The following CDK15 variants were observed in gnomAD, a reference collection of about 807,000 sequenced individuals.
CDK15 encodes the protein cyclin dependent kinase 15.
Under a neutral mutation model 60.3 loss-of-function variants are expected in CDK15, and 62 were observed. That is an observed-to-expected ratio of 1.03 (90% confidence interval 0.84 to 1.27). CDK15 has a LOEUF of 1.27. Ranked by LOEUF, CDK15 falls within the 50% of genes most tolerant of loss-of-function variation. CDK15 has a pLI of 0.00. For synonymous variants in CDK15, 194 were observed against 195.7 expected, an observed-to-expected ratio of 0.99 and a Z score of 0.07; for missense variants, 541 against 527.8, an observed-to-expected ratio of 1.03 and a Z score of -0.25.
chr2:201,830,366 C>T (rs369286303), intron 6 of CDK15, among the ~76,000 whole-genome samples: 1 of 152,138 alleles, frequency 6.6e-6, no homozygotes, highest in African/African-American at 2.4e-5. Context: ...AAGGCATGGT[C>T]TATGATGCCA....
intron 6 of CDK15, among the ~76,000 whole-genome samples, chr2:201,830,218 C>T (rs1171036512): frequency 1.3e-5 from 2 of 152,064 alleles, no homozygotes; most frequent in Non-Finnish European, 2.9e-5. Context: ...TGGGATTACA[C>T]GTGTGAGTCC....
chr2:201,884,030 C>G (rs1194917658), intron 12 of CDK15, among the ~76,000 whole-genome samples: 1 of 152,194 alleles, frequency 6.6e-6, no homozygotes, highest in African/African-American at 2.4e-5. Context: ...CAAATGTTAC[C>G]CTTGGAAATT....
At chr2:201,847,353 G>A (rs1170706809) in intron 8 of CDK15, 28 bp from the exon 9 acceptor site, 2 of 1,586,272 alleles carry the variant, frequency 1.3e-6, no homozygotes, top group Middle Eastern at 1.7e-4. Context: ...CTTTCAAAGT[G>A]TCAATTTACT....
At chr2:201,875,585 G>T (rs975219972) in intron 11 of CDK15, among the ~76,000 whole-genome samples, 2 of 152,126 alleles carry the variant, frequency 1.3e-5, no homozygotes, top group Non-Finnish European at 2.9e-5. Context: ...GTCTAGCTCT[G>T]TAAATTATGA....
intron 4 of CDK15, among the ~76,000 whole-genome samples, chr2:201,821,061 G>A (rs1020229311): frequency 2.6e-5 from 4 of 152,124 alleles, no homozygotes; most frequent in Non-Finnish European, 4.4e-5. Flanking sequence ...ACCCAACACT[G>A]GTTTGCTGTG....
At chr2:201,875,426 A>AAAG (rs1699039655) in intron 11 of CDK15, among the ~76,000 whole-genome samples, 5 of 152,200 alleles carry the variant, frequency 3.3e-5, no homozygotes, top group Non-Finnish European at 7.3e-5. Flanking sequence ...CATGTTGTAT[A>AAAG]TATCCTTCAA....
At chr2:201,813,236 A>T (rs1695851548) in intron 4 of CDK15, among the ~76,000 whole-genome samples, 1 of 152,230 alleles carries the variant, frequency 6.6e-6, no homozygotes, top group Admixed American at 6.5e-5. Flanking sequence ...AGTTTTTCAG[A>T]GTTCAACAAA....
intron 10 of CDK15, among the ~76,000 whole-genome samples, chr2:201,866,556 A>G (rs1221018633): frequency 2.6e-5 from 4 of 152,164 alleles, no homozygotes; most frequent in Admixed American, 6.5e-5. Context: ...CTCAAATGAG[A>G]ACTCTTTTTA....
At chr2:201,854,668 G>T in intron 9 of CDK15, 1 of 563,806 alleles carries the variant, frequency 1.8e-6, no homozygotes, top group Non-Finnish European at 3.2e-6. Flanking sequence ...CGGACCATAG[G>T]AATGTATTAC....
chr2:201,850,880 G>A (rs1322403372), intron 9 of CDK15, among the ~76,000 whole-genome samples: 1 of 152,102 alleles, frequency 6.6e-6, no homozygotes, highest in African/African-American at 2.4e-5. Context: ...TAATGATATT[G>A]AGCATTTTTT....
intron 1 of CDK15, among the ~76,000 whole-genome samples, chr2:201,807,135 T>C (rs1695545174): frequency 6.6e-6 from 1 of 152,034 alleles, no homozygotes; most frequent in Admixed American, 6.6e-5. Context: ...CTTTAGTAAT[T>C]AGTTCATGAT....
At position 201,822,789 on chromosome 2, in the gene CDK15, A is replaced by G; in HGVS notation, c.449-20A>G. ...TTTCATTATCAATGATGGATTTAACATTTTGTTTAATTTTTCTAGCTTCTC... is the reference window on the plus strand; with the variant it reads ...TTTCATTATCAATGATGGATTTAACGTTTTGTTTAATTTTTCTAGCTTCTC... On this transcript the variant is annotated intron_variant, in intron 4 of 13. Transcript: ENST00000652192. 6.9e-7 allele frequency: 1 copy of G among 1,448,266 alleles called. No homozygotes were observed. Among genetic ancestry groups the G allele is most frequent in the Non-Finnish European group, 9.7e-7 (1 of 1,030,448 alleles). 89.7% of individuals were successfully genotyped at this position (1,448,266 alleles called of 1,614,324 possible).
At chr2:201,892,869 G>A (rs1699680141) in intron 13 of CDK15, among the ~76,000 whole-genome samples, 1 of 152,222 alleles carries the variant, frequency 6.6e-6, no homozygotes, top group African/African-American at 2.4e-5. Context: ...GTAACTGGCA[G>A]CAATGCCTCA....
At chr2:201,819,482 C>G (rs1696130264) in intron 4 of CDK15, among the ~76,000 whole-genome samples, 1 of 152,164 alleles carries the variant, frequency 6.6e-6, no homozygotes, top group African/African-American at 2.4e-5. Flanking sequence ...TGAATTTACT[C>G]TGCAGGAGAT....
At chr2:201,883,953 G>A (rs191255628) in intron 12 of CDK15, among the ~76,000 whole-genome samples, 2 of 152,226 alleles carry the variant, frequency 1.3e-5, no homozygotes, top group Non-Finnish European at 2.9e-5. Flanking sequence ...GGGGGTGGGG[G>A]TAGTAGGAAA....
intron 8 of CDK15, among the ~76,000 whole-genome samples, chr2:201,844,870 C>T (rs989337209): frequency 1.3e-5 from 2 of 151,550 alleles, no homozygotes; most frequent in Admixed American, 6.6e-5. Flanking sequence ...GCAATAAGGC[C>T]GGGTGTGGTG....
chr2:201,855,778 A>G (rs1698117563), intron 10 of CDK15, among the ~76,000 whole-genome samples: 1 of 150,476 alleles, frequency 6.6e-6, no homozygotes, highest in Non-Finnish European at 1.5e-5. Flanking sequence ...ATGGTCTTAC[A>G]TTGTTCCATT....
chr2:201,841,250 T>G (rs967231972), intron 8 of CDK15, among the ~76,000 whole-genome samples: 1 of 152,238 alleles, frequency 6.6e-6, no homozygotes, highest in Non-Finnish European at 1.5e-5. Context: ...ATGTATGTTA[T>G]TCTATGAATA....
At position 201,822,907 on chromosome 2, in the gene CDK15, A is replaced by G. The variant is rs1696297170; in HGVS notation, c.543+4A>G. ...GACATTCGTTTTTGAATACATGGTG[A>G]GTTGTTCGAGCATTTTACAACACTT... On this transcript the variant is annotated splice_donor_region_variant and intron_variant, in intron 5 of 13. Transcript: ENST00000652192. 2 of 1,567,540 alleles carry G rather than the reference A, an allele frequency of 1.3e-6. No homozygotes were observed. The highest frequency in any genetic ancestry group is 1.8e-6 in the Non-Finnish European group (2 of 1,137,982).
Sources: gnomAD v4.1 joint callset for allele counts (sites outside exome capture counted in the v4.1 genomes callset) on GRCh38, gnomAD v4.1.1 for gene constraint, MANE v1.5 for transcripts, NCBI Gene and HGNC (gene_info 2026-07-23, HGNC 2026-07-21) for gene names.